The following ATXN7 variants were observed in gnomAD, a reference collection of about 807,000 sequenced individuals.
ATXN7 encodes ataxin-7.
A neutral mutation model predicts 70.5 loss-of-function variants in ATXN7; 12 were observed. The ratio of observed to expected loss-of-function variants is 0.17; its 90% CI spans 0.11 to 0.28. The LOEUF (loss-of-function observed/expected upper bound fraction) is 0.28. Among genes scored for constraint, ATXN7 ranks in the 10% least tolerant of loss-of-function variants. The pLI, the probability that ATXN7 is intolerant of heterozygous loss-of-function variation, is 1.00. For synonymous variants in ATXN7, 498 were observed against 448.7 expected (o/e 1.11, Z -1.39); for missense variants, 1,256 against 1,131.7 (o/e 1.11, Z -1.58).
intron 4 of ATXN7, among the ~76,000 whole-genome samples, chr3:63,933,834 C>T (rs2074605479): frequency 6.6e-6 from 1 of 151,928 alleles, no homozygotes; most frequent in Admixed American, 6.6e-5. Context: ...GCAGTGGTTC[C>T]TGCTGAATGG....
chr3:63,996,497 T>C lies in ATXN7; in HGVS notation c.2661+14T>C. ...CTCCTTCATCAGGTAGGAAATGGAC[T>C]GTGAGCCCCATGGGAATGCCCATTT... On this transcript the variant is annotated intron_variant, in intron 12 of 12. Coordinates refer to ENST00000674280, the MANE Select transcript of ATXN7 (RefSeq NM_001377405.1). 2 of 1,612,132 alleles carry C rather than the reference T, an allele frequency of 1.2e-6. No homozygotes were observed. Among genetic ancestry groups the C allele is most frequent in the Non-Finnish European group, 1.7e-6 (2 of 1,178,620 alleles).
At chr3:63,928,458 A>C (rs779391760) in intron 4 of ATXN7, among the ~76,000 whole-genome samples, 12 of 152,222 alleles carry the variant, frequency 7.9e-5, no homozygotes, top group African/African-American at 1.2e-4. Context: ...TAACTTAAAA[A>C]ATTAAGCATC....
chr3:63,991,029 A>C, intron 11 of ATXN7, 170 bp downstream of exon 11: 1 of 887,954 alleles, frequency 1.1e-6, no homozygotes, highest in African/African-American at 1.7e-5. Flanking sequence ...CCTTTACCCC[A>C]CAACTACATA....
chr3:63,976,797 A>G (rs2075395636), intron 5 of ATXN7, among the ~76,000 whole-genome samples: 1 of 152,214 alleles, frequency 6.6e-6, no homozygotes, highest in African/African-American at 2.4e-5. Flanking sequence ...TATTGGGAAA[A>G]CAGGGTTATG....
At chr3:63,956,338 G>T (rs1341420429) in intron 5 of ATXN7, among the ~76,000 whole-genome samples, 1 of 148,278 alleles carries the variant, frequency 6.7e-6, no homozygotes, top group Non-Finnish European at 1.5e-5. Context: ...GGAGAATGGC[G>T]TGAACGCTGG....
chr3:63,926,698 G>C (rs920951443), intron 4 of ATXN7, among the ~76,000 whole-genome samples: 1 of 151,984 alleles, frequency 6.6e-6, no homozygotes, highest in African/African-American at 2.4e-5. Context: ...TCCCACTGAC[G>C]GGCTACTGCT....
chr3:63,913,132 C>T (rs1194688725), intron 3 of ATXN7, 25 bp from the exon 4 acceptor site: 6 of 1,610,266 alleles, frequency 3.7e-6, no homozygotes, highest in Non-Finnish European at 5.1e-6. Context: ...CCTCTCCCCT[C>T]CTCCTGTGTG....
chr3:63,899,190 G>C (rs1396331874), intron 2 of ATXN7, among the ~76,000 whole-genome samples: 1 of 151,742 alleles, frequency 6.6e-6, no homozygotes, highest in African/African-American at 2.4e-5. Context: ...AGCCTCCTGA[G>C]TAGTTGGGAC....
intron 1 of ATXN7, among the ~76,000 whole-genome samples, chr3:63,884,512 G>A (rs1559619743): frequency 6.6e-6 from 1 of 151,958 alleles, no homozygotes. Context: ...AGGCCATACT[G>A]GTATAAATAA....
intron 8 of ATXN7, among the ~76,000 whole-genome samples, chr3:63,987,752 C>T (rs575197437): frequency 6.6e-6 from 1 of 152,100 alleles, no homozygotes; most frequent in South Asian, 2.1e-4. Context: ...AACATGAGTA[C>T]TTGTTATATA....
chr3:63,924,431 T>A (rs1704636239), intron 4 of ATXN7, among the ~76,000 whole-genome samples: 1 of 151,846 alleles, frequency 6.6e-6, no homozygotes, highest in Non-Finnish European at 1.5e-5. Context: ...GGACCTAGGT[T>A]TGTTTCCTAA....
At chr3:63,863,442 G>A (rs1575820675), upstream of ATXN7, 1 of 1,119,178 alleles carries the variant, frequency 8.9e-7, no homozygotes, top group South Asian at 4.4e-5. Context: ...CCCTTGCACC[G>A]CTTCTAGCCG....
At chr3:63,930,535 T>C (rs1440557016) in intron 4 of ATXN7, among the ~76,000 whole-genome samples, 2 of 150,130 alleles carry the variant, frequency 1.3e-5, no homozygotes. Context: ...GTTTACAATT[T>C]TTTTTTTTTT....
chr3:63,967,701 C>A, intron 5 of ATXN7: 2 of 1,142,764 alleles, frequency 1.8e-6, no homozygotes, highest in Non-Finnish European at 2.3e-6. Context: ...CCAGCCAGGA[C>A]GCCTTGTATG....
chr3:63,863,836 G>C, upstream of ATXN7: 1 of 1,219,298 alleles, frequency 8.2e-7, no homozygotes, highest in Non-Finnish European at 1.0e-6. Flanking sequence ...AAGCTGAGGC[G>C]GCGGTTGGCG....
chr3:63,949,399 ATTTCTT>A (rs2074917713), intron 4 of ATXN7, among the ~76,000 whole-genome samples: 1 of 151,888 alleles, frequency 6.6e-6, no homozygotes, highest in Non-Finnish European at 1.5e-5. Flanking sequence ...AATGAACTCA[ATTTCTT>A]TTTCTTTTTG....
At position 63,982,072 on chromosome 3, in the gene ATXN7, C is replaced by A. The variant is rs889081839; in HGVS notation, c.753-114C>A. 5 of 1,367,076 alleles carry A rather than the reference C, an allele frequency of 3.7e-6. No individual in the cohort carries two copies. The East Asian group carries it at 9.2e-5, about 25-fold the overall frequency. 84.7% of individuals were successfully genotyped at this position (1,367,076 alleles called of 1,614,324 possible). ...CATAAGGAGCCTTCCAAGAGGCTGG[C>A]CCTGTGCAGCGCTTGGGTAGGCCCA... On this transcript the variant is annotated intron_variant, in intron 6 of 12. Transcript: ENST00000674280.
In ATXN7 at chr3:63,912,714, A is replaced by AGCAGCAGCCGCCGCC. The variant is rs770364745; in HGVS notation, c.118_119insAGCAGCCGCCGCCGC (p.Gln39_Pro40insGlnGlnProProPro). ...CAGCAGCAGCAGCAGCAGCAGCAGC[A>AGCAGCAGCCGCCGCC]GCCGCCGCCTCCGCAGCCCCAGCGG... On this transcript the variant is annotated inframe_insertion, in exon 3 of 13. Transcript: ENST00000674280. The AGCAGCAGCCGCCGCC allele has an allele frequency of 9.9e-6, 12 of 1,212,660 alleles. 1 individual carries two copies. In the South Asian group the frequency reaches 2.0e-4, roughly 20 times the overall value. The allele number at this position is 1,212,660 out of a possible 1,614,324, so 75.1% of individuals were successfully genotyped here.
intron 1 of ATXN7, among the ~76,000 whole-genome samples, chr3:63,880,710 A>C (rs936084442): frequency 1.3e-5 from 2 of 152,186 alleles, no homozygotes; most frequent in Non-Finnish European, 2.9e-5. Context: ...TCTTCACAGA[A>C]GCCTTCCCTG....
Sources: allele counts gnomAD v4.1 joint callset (sites outside exome capture counted in the v4.1 genomes callset), GRCh38; gene constraint gnomAD v4.1.1; transcripts MANE v1.5; gene names NCBI Gene and HGNC (gene_info 2026-07-23, HGNC 2026-07-21).